The following MTREX variants were observed in gnomAD, a reference collection of about 807,000 sequenced individuals.
MTREX encodes exosome RNA helicase MTR4.
MTREX carries 76 observed loss-of-function variants against 135.4 expected under a neutral mutation model. The ratio of observed to expected loss-of-function variants is 0.56; its 90% CI spans 0.47 to 0.68. The LOEUF (loss-of-function observed/expected upper bound fraction) is 0.68, where lower values mean the gene tolerates loss of function less well. MTREX is among the 30% of genes least tolerant of loss of function. The probability of loss-of-function intolerance (pLI) is 0.00; values close to 1 mark genes in which losing one functional copy is unlikely to be tolerated. For missense variants in MTREX, 920 were observed against 1,262.1 expected (o/e 0.73, Z 4.11); for synonymous variants, 404 against 401.6 (o/e 1.01, Z -0.07).
At chr5:55,349,227 C>A (rs1435871126) in intron 11 of MTREX, among the ~76,000 whole-genome samples, 3 of 145,088 alleles carry the variant, frequency 2.1e-5, no homozygotes, top group East Asian at 4.2e-4. Flanking sequence ...CACTCTGTTG[C>A]CAGGACTGGA....
At chr5:55,356,639 A>T in intron 14 of MTREX, 1 of 159,228 alleles carries the variant, frequency 6.3e-6, no homozygotes. Context: ...TCGAGTAACT[A>T]TACTTGTCTC....
intron 18 of MTREX, 130 bp from the exon 19 acceptor site, chr5:55,387,844 A>G (rs774703872): frequency 3.0e-6 from 2 of 667,394 alleles, no homozygotes; most frequent in Non-Finnish European, 4.4e-6. Context: ...TCATAAAATA[A>G]GTATGTATTA....
At chr5:55,382,622 G>T (rs953009448) in intron 18 of MTREX, among the ~76,000 whole-genome samples, 15 of 150,342 alleles carry the variant, frequency 1.0e-4, no homozygotes, top group African/African-American at 3.2e-4. Context: ...ATCATTTATG[G>T]TTTTTTTTTG....
chr5:55,314,594 C>G (rs921648694), intron 1 of MTREX, among the ~76,000 whole-genome samples: 2 of 152,268 alleles, frequency 1.3e-5, no homozygotes, highest in East Asian at 3.9e-4. Context: ...GGATTTTCCC[C>G]CAGAGCCTTC....
At chr5:55,347,992 T>C (rs916680214) in intron 11 of MTREX, among the ~76,000 whole-genome samples, 1 of 152,194 alleles carries the variant, frequency 6.6e-6, no homozygotes, top group African/African-American at 2.4e-5. Flanking sequence ...GACACCCGCA[T>C]GATTCAGTCA....
intron 9 of MTREX, 97 bp from the exon 10 acceptor site, chr5:55,344,997 C>G (rs1749706796): frequency 2.8e-6 from 2 of 722,316 alleles, no homozygotes; most frequent in Non-Finnish European, 4.7e-6. Context: ...CATTATTATA[C>G]TAAATTATTT....
chr5:55,391,361 C>T (rs557014300), intron 19 of MTREX, among the ~76,000 whole-genome samples: 5 of 151,826 alleles, frequency 3.3e-5, no homozygotes, highest in Admixed American at 1.3e-4. Context: ...GTGGGAGGAT[C>T]GTTTGAGCCC....
chr5:55,361,606 C>T (rs962808120), intron 15 of MTREX, among the ~76,000 whole-genome samples: 46 of 152,130 alleles, frequency 3.0e-4, no homozygotes, highest in Non-Finnish European at 2.2e-4. Context: ...AGGCACCTGC[C>T]GCCACACCCA....
intron 23 of MTREX, among the ~76,000 whole-genome samples, chr5:55,411,293 A>G (rs1750881468): frequency 6.6e-6 from 1 of 152,228 alleles, no homozygotes; most frequent in African/African-American, 2.4e-5. Flanking sequence ...TTAAGACTTT[A>G]TTTATTGTAG....
At chr5:55,353,380 C>G in intron 14 of MTREX, 111 bp downstream of exon 14, 1 of 640,528 alleles carries the variant, frequency 1.6e-6, no homozygotes, top group Non-Finnish European at 2.6e-6. Context: ...GAACTTGAAC[C>G]TGAGCTAATA....
At chr5:55,310,510 A>C (rs1749094587) in intron 1 of MTREX, among the ~76,000 whole-genome samples, 1 of 152,134 alleles carries the variant, frequency 6.6e-6, no homozygotes. Context: ...TGGGAGGCTG[A>C]GACAAGAGAA....
Position 55,385,066 on chromosome 5 carries a change from T to C in MTREX, c.2053-2908T>C, listed in dbSNP as rs187419709. Among the ~76,000 whole-genome samples, 6 of 152,300 alleles carry C rather than the reference T, an allele frequency of 3.9e-5. No homozygotes were observed. The East Asian group carries it at 1.2e-3, about 29-fold the overall frequency. ...AGGCTCTGTTACAAATAAAATCTGGTCCTTTGGGAAGATATTAAGAGTTGT... is the reference window on the plus strand; with the variant it reads ...AGGCTCTGTTACAAATAAAATCTGGCCCTTTGGGAAGATATTAAGAGTTGT... On this transcript the variant is annotated intron_variant, in intron 18 of 26. Coordinates refer to ENST00000230640, the MANE Select transcript of MTREX (RefSeq NM_015360.5).
At chr5:55,321,210 T>C (rs530070893) in intron 1 of MTREX, among the ~76,000 whole-genome samples, 1 of 152,298 alleles carries the variant, frequency 6.6e-6, no homozygotes, top group African/African-American at 2.4e-5. Flanking sequence ...TTAGAGTTTC[T>C]TATAACTTTT....
intron 19 of MTREX, among the ~76,000 whole-genome samples, chr5:55,390,377 G>C (rs187922873): frequency 7.6e-4 from 116 of 152,192 alleles, no homozygotes; most frequent in African/African-American, 2.6e-3. Context: ...CTGGGATTAC[G>C]TGCATGAGCC....
At chr5:55,406,730 C>T (rs911920197) in intron 22 of MTREX, among the ~76,000 whole-genome samples, 1 of 151,302 alleles carries the variant, frequency 6.6e-6, no homozygotes, top group Non-Finnish European at 1.5e-5. Context: ...TGTGCTTAGA[C>T]AAAGGAACTG....
intron 5 of MTREX, among the ~76,000 whole-genome samples, chr5:55,333,994 G>A (rs1403081773): frequency 6.6e-6 from 1 of 152,088 alleles, no homozygotes; most frequent in African/African-American, 2.4e-5. Flanking sequence ...CCAGACAGTG[G>A]AATATTACTC....
intron 16 of MTREX, among the ~76,000 whole-genome samples, chr5:55,370,186 G>A (rs538890311): frequency 6.6e-6 from 1 of 152,086 alleles, no homozygotes; most frequent in Non-Finnish European, 1.5e-5. Context: ...ACCTCCCAAA[G>A]TGCTGGGATT....
intron 1 of MTREX, among the ~76,000 whole-genome samples, chr5:55,315,978 A>T (rs1579843954): frequency 6.6e-6 from 1 of 152,276 alleles, no homozygotes; most frequent in East Asian, 1.9e-4. Flanking sequence ...CACAGAAATA[A>T]AAACAACCAT....
chr5:55,373,512 T>C (rs1302131989), intron 16 of MTREX, among the ~76,000 whole-genome samples: 1 of 152,164 alleles, frequency 6.6e-6, no homozygotes. Context: ...GGACAAAAGC[T>C]CTTGTGTTTA....
Sources: allele counts gnomAD v4.1 joint callset (sites outside exome capture counted in the v4.1 genomes callset), GRCh38; gene constraint gnomAD v4.1.1; transcripts MANE v1.5; gene names NCBI Gene and HGNC (gene_info 2026-07-23, HGNC 2026-07-21).